ABTB2: variants seen among roughly 807,000 people sequenced by gnomAD.
ABTB2 encodes ankyrin repeat and BTB/POZ domain-containing protein 2.
Under a neutral mutation model 104.1 loss-of-function variants are expected in ABTB2, and 56 were observed. The ratio of observed to expected loss-of-function variants is 0.54; its 90% confidence interval spans 0.43 to 0.67. The LOEUF is 0.67. Among genes scored for constraint, ABTB2 ranks in the 30% least tolerant of loss-of-function variants. The pLI, the probability that ABTB2 is intolerant of heterozygous loss-of-function variation, is 0.00. For synonymous variants in ABTB2, 606 were observed against 608.2 expected, an observed-to-expected ratio of 1.00 and a Z score of 0.05; for missense variants, 1,279 against 1,407.7, an observed-to-expected ratio of 0.91 and a Z score of 1.46.
intron 1 of ABTB2, among the ~76,000 whole-genome samples, chr11:34,207,201 C>A (rs1002699290): frequency 6.6e-6 from 1 of 152,250 alleles, no homozygotes; most frequent in Non-Finnish European, 1.5e-5. Flanking sequence ...ACTCCTCCTC[C>A]TTTCTCCATT....
At chr11:34,205,155 A>G (rs1463843500) in intron 1 of ABTB2, among the ~76,000 whole-genome samples, 1 of 152,184 alleles carries the variant, frequency 6.6e-6, no homozygotes. Context: ...CTTTGTTTTC[A>G]TGCAGCTCAG....
chr11:34,167,831 G>T, intron 6 of ABTB2, 72 bp downstream of exon 6: 2 of 1,486,686 alleles, frequency 1.3e-6, no homozygotes, highest in South Asian at 1.1e-5. Flanking sequence ...CACGCCCAGC[G>T]TGTTTGTTGG....
chr11:34,202,398 A>G (rs981426249), intron 2 of ABTB2, among the ~76,000 whole-genome samples: 5 of 152,146 alleles, frequency 3.3e-5, no homozygotes, highest in African/African-American at 1.2e-4. Flanking sequence ...CACAGAGAAG[A>G]GGATGAAGTG....
chr11:34,167,488 A>T, intron 6 of ABTB2, 128 bp from the exon 7 acceptor site: 1 of 810,504 alleles, frequency 1.2e-6, no homozygotes, highest in Non-Finnish European at 2.0e-6. Flanking sequence ...TGGAGCACAA[A>T]GTGGACAAGG....
intron 3 of ABTB2, among the ~76,000 whole-genome samples, chr11:34,186,159 A>T (rs1051660187): frequency 7.2e-5 from 11 of 152,160 alleles, no homozygotes; most frequent in African/African-American, 2.7e-4. Context: ...CAGGCCCTGA[A>T]CTCGGCCGGG....
rs921166556 is a variant in ABTB2 at position 34,230,416 on chromosome 11, G to A, written c.884-25726C>T. Among the ~76,000 whole-genome samples the A allele has an allele frequency of 1.1e-4, 16 of 152,288 alleles. 1 individual carries two copies. The highest frequency in any genetic ancestry group is 3.4e-3 in the Middle Eastern group (1 of 294). ...GTCCTCAGCCTTTCTGCAGTAAGAC[G>A]GGGCCAACAATACCTAAAATAACTT... On this transcript the variant is annotated intron_variant, in intron 1 of 16. Transcript: ENST00000435224.
intron 1 of ABTB2, among the ~76,000 whole-genome samples, chr11:34,237,806 G>A (rs535971187): frequency 2.6e-5 from 4 of 152,222 alleles, no homozygotes; most frequent in South Asian, 4.2e-4. Flanking sequence ...CAGGAGAATC[G>A]CTTGAACCTG....
intron 1 of ABTB2, among the ~76,000 whole-genome samples, chr11:34,307,890 G>C (rs1854797748): frequency 6.6e-6 from 1 of 152,142 alleles, no homozygotes; most frequent in Non-Finnish European, 1.5e-5. Flanking sequence ...GTAGAGACAG[G>C]GTTTCACCAT....
chr11:34,248,057 A>G (rs1433205701), intron 1 of ABTB2, among the ~76,000 whole-genome samples: 1 of 146,990 alleles, frequency 6.8e-6, no homozygotes, highest in Non-Finnish European at 1.5e-5. Context: ...AGGGAACACC[A>G]GGTAGCAATC....
At chr11:34,205,185 A>G (rs896749662) in intron 1 of ABTB2, among the ~76,000 whole-genome samples, 1 of 152,216 alleles carries the variant, frequency 6.6e-6, no homozygotes, top group African/African-American at 2.4e-5. Flanking sequence ...AGTCAGATGT[A>G]AATGCCCATC....
chr11:34,337,203 T>A (rs1386989799), intron 1 of ABTB2, among the ~76,000 whole-genome samples: 1 of 152,198 alleles, frequency 6.6e-6, no homozygotes, highest in Non-Finnish European at 1.5e-5. Flanking sequence ...GAACCTGGCT[T>A]ATTTGTTGAG....
At chr11:34,274,558 T>TACACACAC (rs558468578) in intron 1 of ABTB2, among the ~76,000 whole-genome samples, 17 of 56,296 alleles carry the variant, frequency 3.0e-4, no homozygotes, top group African/African-American at 1.5e-3. Flanking sequence ...TGGATTGGAA[T>TACACACAC]ATACACACAC....
rs777623868 is a variant in ABTB2 at position 34,154,844 on chromosome 11, C to G, written c.2698-75G>C. ...AAGTCCTTGCCAGCCCCACAGGGTA[C>G]TGCTCCAGCTGCCGCCTCCAGGGGC... On this transcript the variant is annotated intron_variant, in intron 14 of 16. Transcript: ENST00000435224. This position sits in a 1 kb window ranked among gnomAD's most constrained non-coding sequence, Gnocchi z 4.9. The G allele has an allele frequency of 1.4e-6, 2 of 1,458,582 alleles. No homozygotes were observed. Among genetic ancestry groups the G allele is most frequent in the South Asian group, 2.4e-5 (2 of 84,666 alleles). 90.4% of individuals were successfully genotyped at this position (1,458,582 alleles called of 1,614,324 possible).
At chr11:34,178,475 G>A (rs930301622) in intron 3 of ABTB2, among the ~76,000 whole-genome samples, 6 of 152,188 alleles carry the variant, frequency 3.9e-5, no homozygotes, top group African/African-American at 7.2e-5. Context: ...CTGCAACAGC[G>A]TGGCTGTGTG....
intron 1 of ABTB2, among the ~76,000 whole-genome samples, chr11:34,323,206 C>T (rs781639269): frequency 2.6e-5 from 4 of 152,046 alleles, no homozygotes; most frequent in Admixed American, 1.3e-4. Context: ...TGCGCCTGGC[C>T]GCAAATGCTT....
At chr11:34,247,022 T>C (rs181797628) in intron 1 of ABTB2, among the ~76,000 whole-genome samples, 15 of 152,194 alleles carry the variant, frequency 9.9e-5, no homozygotes, top group African/African-American at 1.4e-4. Flanking sequence ...TAATTTTGTA[T>C]TTTTAGTAGA....
chr11:34,357,774 GC>G lies in ABTB2; in HGVS notation c.-192del. On this transcript the variant is annotated 5_prime_UTR_variant, in exon 1 of 17. Coordinates refer to ENST00000435224, the MANE Select transcript of ABTB2 (RefSeq NM_145804.3). ...TGGCCGAGATCCGTGGCCAGCAGGAGCCCCACGCTCCCGGCGTCCCGACTCG... is the reference window on the plus strand; with the variant it reads ...TGGCCGAGATCCGTGGCCAGCAGGAGCCCACGCTCCCGGCGTCCCGACTCG... 1 of 602,620 alleles carries G rather than the reference GC, an allele frequency of 1.7e-6. No individual in the cohort carries two copies. Among genetic ancestry groups the G allele is most frequent in the Non-Finnish European group, 2.7e-6 (1 of 370,198 alleles). The allele number at this position is 602,620 out of a possible 1,614,324, so 37.3% of individuals were successfully genotyped here. A position where few individuals can be genotyped will look rare whatever the true frequency, so the allele number is the denominator to read the frequency against.
At chr11:34,204,425 T>TGGAGGA in intron 2 of ABTB2, 119 bp downstream of exon 2, 1 of 1,264,822 alleles carries the variant, frequency 7.9e-7, no homozygotes, top group South Asian at 1.6e-5. Flanking sequence ...GCAAGGCACT[T>TGGAGGA]GGAGGAGGAG....
At chr11:34,299,063 T>G (rs1357722284) in intron 1 of ABTB2, among the ~76,000 whole-genome samples, 3 of 152,218 alleles carry the variant, frequency 2.0e-5, no homozygotes, top group African/African-American at 7.2e-5. Context: ...TAAGTAAAAT[T>G]GTCTGAAGTT....
Sources: allele counts gnomAD v4.1 joint callset (sites outside exome capture counted in the v4.1 genomes callset), GRCh38; gene constraint gnomAD v4.1.1; non-coding constraint Gnocchi (gnomAD v3.1); transcripts MANE v1.5; gene names NCBI Gene and HGNC (gene_info 2026-07-23, HGNC 2026-07-21).